SDK1: variants seen among roughly 807,000 people sequenced by gnomAD.
The protein encoded by SDK1 is sidekick cell adhesion molecule 1.
Under a neutral mutation model 245.5 loss-of-function variants are expected in SDK1, and 157 were observed. The observed-to-expected ratio is 0.64, with a 90% CI of 0.56 to 0.73. The LOEUF (loss-of-function observed/expected upper bound fraction) is 0.73, where lower values mean the gene tolerates loss of function less well. Among genes scored for constraint, SDK1 ranks in the 30% least tolerant of loss-of-function variants. SDK1 has a pLI of 0.00. For synonymous variants in SDK1, 1,647 were observed against 1,278.5 expected (o/e 1.29, Z -6.15); for missense variants, 3,583 against 3,002.3 (o/e 1.19, Z -4.52).
chr7:3,321,989 T>A (rs983796292), intron 1 of SDK1, among the ~76,000 whole-genome samples: 1 of 148,942 alleles, frequency 6.7e-6, no homozygotes, highest in Non-Finnish European at 1.5e-5. Flanking sequence ...GGTCATCATT[T>A]TTATTAGCTT....
chr7:4,114,074 C>A lies in SDK1; in HGVS notation c.3623C>A (p.Ser1208Tyr). 6.2e-7 allele frequency: 1 copy of A among 1,614,214 alleles called. No homozygotes were observed. Among genetic ancestry groups the A allele is most frequent in the Non-Finnish European group, 8.5e-7 (1 of 1,180,042 alleles). ...PDSQYNGNPE[S>Y]VGYRIKYWRS... ...TCTCAGTACAACGGGAACCCCGAGT[C>A]CGTGGGCTACAGGATTAAGTACTGG... The change falls in exon 25 of 45, where the codon TCC (serine) becomes TAC (tyrosine). Residue 1208 changes from serine to tyrosine, a missense_variant. Coordinates refer to ENST00000404826, the MANE Select transcript of SDK1 (RefSeq NM_152744.4).
chr7:3,422,734 C>T (rs181448964), intron 1 of SDK1, among the ~76,000 whole-genome samples: 2 of 151,900 alleles, frequency 1.3e-5, no homozygotes, highest in Admixed American at 6.5e-5. Flanking sequence ...GTTGGGCTGG[C>T]GATAAAAGGT....
chr7:4,250,442 C>A (rs1787220842), intron 44 of SDK1, among the ~76,000 whole-genome samples: 1 of 152,032 alleles, frequency 6.6e-6, no homozygotes, highest in Non-Finnish European at 1.5e-5. Flanking sequence ...CTCCTGGGTT[C>A]AAGCAATTCT....
At chr7:3,614,997 A>G (rs1012408277) in intron 1 of SDK1, among the ~76,000 whole-genome samples, 5 of 151,656 alleles carry the variant, frequency 3.3e-5, no homozygotes, top group Admixed American at 1.3e-4. Context: ...TATAAAGTCC[A>G]TGAAAAATTG....
At chr7:3,530,660 G>T (rs1035186782) in intron 1 of SDK1, among the ~76,000 whole-genome samples, 1 of 152,248 alleles carries the variant, frequency 6.6e-6, no homozygotes, top group African/African-American at 2.4e-5. Flanking sequence ...AATATATTAT[G>T]TATTAATATT....
rs143177407 is a variant in SDK1, at chr7:3,370,367, C to T, written c.298+68483C>T. Among the ~76,000 whole-genome samples, 3 of 152,188 alleles carry T rather than the reference C, an allele frequency of 2.0e-5. 1 individual carries two copies. The highest frequency in any genetic ancestry group is 3.8e-4 in the East Asian group (2 of 5,200). On this transcript the variant is annotated intron_variant, in intron 1 of 44. Transcript: ENST00000404826. ...CCCTGAGGGAGAGAGAAAACAATTG[C>T]AGTCAGTTGTTCTTTATAAGTCTGT...
At chr7:4,235,494 AG>A (rs1364427391) in intron 41 of SDK1, among the ~76,000 whole-genome samples, 1 of 152,160 alleles carries the variant, frequency 6.6e-6, no homozygotes, top group African/African-American at 2.4e-5. Flanking sequence ...AGTAAGATTT[AG>A]AAAAAGCACA....
intron 1 of SDK1, among the ~76,000 whole-genome samples, chr7:3,382,537 C>T (rs985152976): frequency 2.0e-5 from 3 of 152,148 alleles, no homozygotes; most frequent in Non-Finnish European, 4.4e-5. Flanking sequence ...TACTTGGTGC[C>T]AGGCATTGCC....
Position 3,643,247 on chromosome 7 carries a change from C to G in SDK1, c.713+1142C>G, listed in dbSNP as rs142371933. The G allele has an allele frequency of 4.6e-5, 7 of 151,682 alleles. No individual in the cohort carries two copies. The East Asian group carries it at 1.4e-3, about 30-fold the overall frequency. The allele number at this position is 151,682 out of a possible 1,614,324, so 9.4% of individuals were successfully genotyped here. On this transcript the variant is annotated intron_variant, in intron 4 of 44. Coordinates refer to ENST00000404826, the MANE Select transcript of SDK1 (RefSeq NM_152744.4). Reference sequence around the variant, plus strand: ...CATCTGTGGAATCCCTTCCCTAAACCTCATGATTCTCATCTACCTGAACAT... The same window carrying G: ...CATCTGTGGAATCCCTTCCCTAAACGTCATGATTCTCATCTACCTGAACAT...
chr7:3,612,108 G>A (rs1781613638), intron 1 of SDK1, among the ~76,000 whole-genome samples: 1 of 152,168 alleles, frequency 6.6e-6, no homozygotes, highest in Non-Finnish European at 1.5e-5. Context: ...TGGGACGGGG[G>A]TGAGGGATAC....
chr7:3,790,491 A>G (rs1429950329), intron 4 of SDK1, among the ~76,000 whole-genome samples: 1 of 152,248 alleles, frequency 6.6e-6, no homozygotes, highest in East Asian at 1.9e-4. Context: ...ACACAGAGGC[A>G]AATACCAGAT....
intron 1 of SDK1, among the ~76,000 whole-genome samples, chr7:3,561,404 G>T (rs1337266717): frequency 1.3e-5 from 2 of 152,178 alleles, no homozygotes; most frequent in Non-Finnish European, 1.5e-5. Context: ...CTGGTCACTT[G>T]TTTGTTCCTG....
chr7:3,776,914 G>A (rs1325713675), intron 4 of SDK1, among the ~76,000 whole-genome samples: 1 of 152,108 alleles, frequency 6.6e-6, no homozygotes, highest in African/African-American at 2.4e-5. Flanking sequence ...GCAGAGAACT[G>A]TATCATAGAG....
At chr7:3,363,952 C>T (rs1361938960) in intron 1 of SDK1, among the ~76,000 whole-genome samples, 2 of 152,186 alleles carry the variant, frequency 1.3e-5, no homozygotes, top group African/African-American at 4.8e-5. Flanking sequence ...TTCACATCCT[C>T]ATCATTATTT....
At chr7:4,024,249 G>A (rs1277999436) in intron 17 of SDK1, among the ~76,000 whole-genome samples, 1 of 152,178 alleles carries the variant, frequency 6.6e-6, no homozygotes, top group Admixed American at 6.5e-5. Context: ...GTTCACTTGG[G>A]CTTTGAAAGG....
intron 5 of SDK1, among the ~76,000 whole-genome samples, chr7:3,837,355 A>C (rs557280130): frequency 6.6e-6 from 1 of 152,328 alleles, no homozygotes; most frequent in African/African-American, 2.4e-5. Flanking sequence ...TTCTCTTAAA[A>C]TATGTGGCCA....
chr7:4,089,476 A>C (rs753460161), intron 22 of SDK1, among the ~76,000 whole-genome samples: 6 of 152,196 alleles, frequency 3.9e-5, no homozygotes, highest in African/African-American at 1.4e-4. Context: ...CCGGGCTGCT[A>C]TTCTCCAGCA....
chr7:3,800,619 C>T (rs1010609262), intron 4 of SDK1, among the ~76,000 whole-genome samples: 1 of 152,166 alleles, frequency 6.6e-6, no homozygotes, highest in Non-Finnish European at 1.5e-5. Flanking sequence ...ATCCGCCCGC[C>T]TCAGCTTCCC....
At position 3,305,095 on chromosome 7, in the gene SDK1, C is replaced by A. The variant is rs79567782; in HGVS notation, c.298+3211C>A. On this transcript the variant is annotated intron_variant, in intron 1 of 44. Coordinates refer to ENST00000404826, the MANE Select transcript of SDK1 (RefSeq NM_152744.4). ...TGGACCTTGGGCCTGTGTTCACTTA[C>A]ACCTGTTCCAGGTTCATGATTTGAA... Among the ~76,000 whole-genome samples the A allele has an allele frequency of 2.9e-4, 44 of 152,312 alleles. 1 individual carries two copies. In the East Asian group the frequency reaches 6.0e-3, roughly 21 times the overall value.
Sources: allele counts gnomAD v4.1 joint callset (sites outside exome capture counted in the v4.1 genomes callset), GRCh38; gene constraint gnomAD v4.1.1; transcripts MANE v1.5; gene names NCBI Gene and HGNC (gene_info 2026-07-23, HGNC 2026-07-21).